The following EPC2 variants were observed in gnomAD, a reference collection of about 807,000 sequenced individuals.
EPC2 encodes enhancer of polycomb homolog 2.
Under a neutral mutation model 92.1 loss-of-function variants are expected in EPC2, and 14 were observed. The observed-to-expected ratio is 0.15, with a 90% CI of 0.10 to 0.24. The LOEUF (loss-of-function observed/expected upper bound fraction) is 0.24, where lower values mean the gene tolerates loss of function less well. EPC2 is among the 10% of genes least tolerant of loss of function. The pLI is 1.00. For synonymous variants in EPC2, 340 were observed against 334.7 expected (o/e 1.02, Z -0.17); for missense variants, 755 against 971.5 (o/e 0.78, Z 2.96).
At chr2:148,680,746 T>G (rs1681377751) in intron 1 of EPC2, among the ~76,000 whole-genome samples, 1 of 152,114 alleles carries the variant, frequency 6.6e-6, no homozygotes, top group Non-Finnish European at 1.5e-5. Flanking sequence ...AATGGAAAGG[T>G]CAAGAAGCTG....
chr2:148,701,983 A>G (rs1681898481), intron 2 of EPC2, among the ~76,000 whole-genome samples: 1 of 152,002 alleles, frequency 6.6e-6, no homozygotes, highest in Admixed American at 6.6e-5. Flanking sequence ...TTGTCAATTT[A>G]TGGCCATATA....
Position 148,783,658 on chromosome 2 carries a change from C to T in EPC2, c.1919C>T (p.Ala640Val). 6.2e-7 allele frequency: 1 copy of T among 1,604,588 alleles called. No individual in the cohort carries two copies. Among genetic ancestry groups the T allele is most frequent in the Non-Finnish European group, 8.5e-7 (1 of 1,175,138 alleles). Residue 640 changes from alanine (A) to valine (V), a missense_variant, in exon 12 of 14, where the codon GCA (alanine) becomes GTA (valine). Physicochemically the swap from Ala to Val is moderately conservative, Grantham distance 64. Around this residue, in one of 4 missense-constraint regions of EPC2, gnomAD observed 207 missense variants for 260.5 expected, o/e 0.79. Transcript: ENST00000258484. Reference sequence around the variant, plus strand: ...GACTCAGCCAGCGCCCACTTTGCTGCATCTGCAGTGGTCAGTGCACCTGTT... The same window carrying T: ...GACTCAGCCAGCGCCCACTTTGCTGTATCTGCAGTGGTCAGTGCACCTGTT... Reference protein sequence around the residue: ...TLDSASAHFAASAVVSAPVPS... With the variant: ...TLDSASAHFAVSAVVSAPVPS...
intron 1 of EPC2, among the ~76,000 whole-genome samples, chr2:148,652,544 C>G (rs944038125): frequency 2.6e-5 from 4 of 152,112 alleles, no homozygotes; most frequent in Non-Finnish European, 5.9e-5. Flanking sequence ...CCTTAGTTTT[C>G]TCATTTGTGA....
At chr2:148,676,177 C>A (rs1681258052) in intron 1 of EPC2, among the ~76,000 whole-genome samples, 1 of 149,738 alleles carries the variant, frequency 6.7e-6, no homozygotes, top group Non-Finnish European at 1.5e-5. Context: ...TTCATGTTTT[C>A]AGGGGAAAAT....
At chr2:148,750,181 A>G (rs1196992268) in intron 3 of EPC2, among the ~76,000 whole-genome samples, 1 of 152,108 alleles carries the variant, frequency 6.6e-6, no homozygotes, top group Non-Finnish European at 1.5e-5. Context: ...GTTGAGAATC[A>G]GAAAACTATA....
chr2:148,733,957 T>C (rs1682699153), intron 2 of EPC2, among the ~76,000 whole-genome samples: 1 of 152,160 alleles, frequency 6.6e-6, no homozygotes, highest in Non-Finnish European at 1.5e-5. Context: ...AAGAAATAAT[T>C]AGAATCCACT....
intron 2 of EPC2, among the ~76,000 whole-genome samples, chr2:148,722,157 G>A (rs1682392587): frequency 6.6e-6 from 1 of 152,122 alleles, no homozygotes; most frequent in African/African-American, 2.4e-5. Flanking sequence ...GTTTTATGGT[G>A]TGTTTTGTGG....
chr2:148,651,743 G>T (rs1156562388), intron 1 of EPC2, among the ~76,000 whole-genome samples: 58 of 152,172 alleles, frequency 3.8e-4, no homozygotes, highest in Non-Finnish European at 5.9e-5. Context: ...ACATTTGAGT[G>T]TGTGTTGTTG....
In EPC2 at chr2:148,683,725, T is replaced by C. The variant is rs184997574; in HGVS notation, c.154-6489T>C. On this transcript the variant is annotated intron_variant, in intron 1 of 13. Transcript: ENST00000258484. ...AATGCCATTATTTCATTCCTTTTTA[T>C]GCCTGAGTAGTATTCCATGGTATAT... 5.1e-4 allele frequency among the ~76,000 whole-genome samples: 77 copies of C among 152,388 alleles called. No individual in the cohort carries two copies. The East Asian group carries it at 0.014, about 28-fold the overall frequency.
intron 1 of EPC2, among the ~76,000 whole-genome samples, chr2:148,647,806 T>A (rs1387841644): frequency 6.6e-6 from 1 of 151,932 alleles, no homozygotes; most frequent in Admixed American, 6.6e-5. Flanking sequence ...CTAATTTTTG[T>A]ATTTTTAGTA....
At chr2:148,752,426 C>T (rs1683097670) in intron 3 of EPC2, among the ~76,000 whole-genome samples, 1 of 152,076 alleles carries the variant, frequency 6.6e-6, no homozygotes, top group South Asian at 2.1e-4. Context: ...CGGAGAACTC[C>T]AGCTAATGGT....
intron 1 of EPC2, among the ~76,000 whole-genome samples, chr2:148,685,842 C>A (rs1681508862): frequency 6.6e-6 from 1 of 152,228 alleles, no homozygotes; most frequent in South Asian, 2.1e-4. Flanking sequence ...AGCACTGTGT[C>A]TAAAATATAT....
intron 1 of EPC2, among the ~76,000 whole-genome samples, chr2:148,665,976 A>G (rs1681048179): frequency 6.6e-6 from 1 of 152,310 alleles, no homozygotes; most frequent in Admixed American, 6.5e-5. Flanking sequence ...ATTGATTTTT[A>G]GCTAAAGCTG....
chr2:148,733,478 G>GTTTTTTTTT (rs1240755311), intron 2 of EPC2, among the ~76,000 whole-genome samples: 1 of 65,324 alleles, frequency 1.5e-5, no homozygotes, highest in African/African-American at 5.7e-5. Context: ...TCTCTCTCTG[G>GTTTTTTTTT]ATTTTTTTTT....
intron 3 of EPC2, among the ~76,000 whole-genome samples, chr2:148,750,341 C>T (rs141354031): frequency 3.9e-5 from 6 of 151,916 alleles, no homozygotes; most frequent in East Asian, 1.9e-4. Flanking sequence ...TAGCAGTCTT[C>T]GAATTTACAC....
At chr2:148,710,226 C>T (rs560794163) in intron 2 of EPC2, among the ~76,000 whole-genome samples, 2 of 152,296 alleles carry the variant, frequency 1.3e-5, no homozygotes, top group African/African-American at 2.4e-5. Flanking sequence ...GATATTTATG[C>T]AGCCAACAGA....
intron 10 of EPC2, among the ~76,000 whole-genome samples, chr2:148,774,185 A>G (rs912105083): frequency 1.3e-5 from 2 of 152,196 alleles, no homozygotes; most frequent in Non-Finnish European, 2.9e-5. Context: ...CACTTTATTT[A>G]TATCACCAGT....
chr2:148,733,211 C>A (rs12478986), intron 2 of EPC2, among the ~76,000 whole-genome samples: 9 of 151,688 alleles, frequency 5.9e-5, no homozygotes, highest in Admixed American at 5.9e-4. Context: ...GAGAGAGGGC[C>A]TAGAGGAAAC....
intron 2 of EPC2, among the ~76,000 whole-genome samples, chr2:148,721,431 A>C (rs1362281286): frequency 6.6e-6 from 1 of 151,746 alleles, no homozygotes; most frequent in East Asian, 1.9e-4. Flanking sequence ...GCTCCTTTGT[A>C]GCTAAGGTGT....
Sources: allele counts gnomAD v4.1 joint callset (sites outside exome capture counted in the v4.1 genomes callset), GRCh38; gene constraint gnomAD v4.1.1; regional missense constraint gnomAD v4.1.1; transcripts MANE v1.5; gene names NCBI Gene and HGNC (gene_info 2026-07-23, HGNC 2026-07-21).